Variants in SFMBT2 observed in about 807,000 individuals in gnomAD.
SFMBT2 encodes the protein scm-like with four MBT domains protein 2.
In SFMBT2, 38 loss-of-function variants were observed where a neutral mutation model predicts 110.1. The ratio of observed to expected loss-of-function variants is 0.35; its 90% CI spans 0.27 to 0.45. The LOEUF (loss-of-function observed/expected upper bound fraction) is 0.45, where lower values mean the gene tolerates loss of function less well. Ranked by LOEUF, SFMBT2 falls within the 20% of genes least tolerant of loss-of-function variation. The probability of loss-of-function intolerance (pLI) is 1.00; values close to 1 mark genes in which losing one functional copy is unlikely to be tolerated. For synonymous variants in SFMBT2, 425 were observed against 425.4 expected (o/e 1.00, Z 0.01); for missense variants, 1,011 against 1,094.9 (o/e 0.92, Z 1.08).
chr10:7,194,273 G>A (rs1476941557), intron 15 of SFMBT2, among the ~76,000 whole-genome samples: 1 of 152,092 alleles, frequency 6.6e-6, no homozygotes, highest in African/African-American at 2.4e-5. Flanking sequence ...CACGCTCGTG[G>A]TCCTGCCAAA....
intron 6 of SFMBT2, 60 bp downstream of exon 6, chr10:7,283,844 C>T: frequency 2.6e-6 from 3 of 1,139,678 alleles, no homozygotes; most frequent in South Asian, 2.7e-5. Context: ...GAAACACATC[C>T]AGGAAAATAT....
chr10:7,403,306 T>G (rs1846129574), intron 1 of SFMBT2, among the ~76,000 whole-genome samples: 1 of 152,092 alleles, frequency 6.6e-6, no homozygotes, highest in Non-Finnish European at 1.5e-5. Context: ...AAAATAAATA[T>G]AACAGCCCCC....
chr10:7,395,829 CATAGACGTT>C (rs1306640593), intron 1 of SFMBT2, among the ~76,000 whole-genome samples: 1 of 151,884 alleles, frequency 6.6e-6, no homozygotes, highest in Non-Finnish European at 1.5e-5. Context: ...TTCTCTCCTT[CATAGACGTT>C]ATGTTTCTCT....
intron 7 of SFMBT2, among the ~76,000 whole-genome samples, chr10:7,269,787 C>CTGCTTGCTAGAACTTCTAA (rs1841522261): frequency 6.7e-6 from 1 of 148,398 alleles, no homozygotes; most frequent in East Asian, 2.0e-4. Context: ...ACAAAGAATA[C>CTGCTTGCTAGAACTTCTAA]TGCTTGCTAG....
intron 16 of SFMBT2, among the ~76,000 whole-genome samples, chr10:7,187,066 T>C (rs1010382876): frequency 6.6e-6 from 1 of 152,230 alleles, no homozygotes; most frequent in Non-Finnish European, 1.5e-5. Context: ...AAAGCTCTGA[T>C]CGACTTGGTA....
At chr10:7,240,752 CTTA>C (rs1840402058) in intron 9 of SFMBT2, among the ~76,000 whole-genome samples, 1 of 152,134 alleles carries the variant, frequency 6.6e-6, no homozygotes, top group African/African-American at 2.4e-5. Flanking sequence ...CTGTGTTTCT[CTTA>C]TTATGATAAG....
chr10:7,274,364 T>C (rs1841699583), intron 7 of SFMBT2, among the ~76,000 whole-genome samples: 1 of 152,212 alleles, frequency 6.6e-6, no homozygotes, highest in African/African-American at 2.4e-5. Context: ...GGTTTGGCTG[T>C]GTCCCCACCT....
At chr10:7,332,036 A>G (rs1250329107) in intron 4 of SFMBT2, among the ~76,000 whole-genome samples, 2 of 130,106 alleles carry the variant, frequency 1.5e-5, no homozygotes, top group Non-Finnish European at 3.2e-5. Context: ...AAAAAAAAAA[A>G]AGGAAAGGTG....
At chr10:7,263,195 C>G (rs1841267477) in intron 7 of SFMBT2, among the ~76,000 whole-genome samples, 1 of 151,988 alleles carries the variant, frequency 6.6e-6, no homozygotes, top group Non-Finnish European at 1.5e-5. Flanking sequence ...CACCAGTCTG[C>G]TAACAAAATC....
intron 11 of SFMBT2, among the ~76,000 whole-genome samples, chr10:7,212,918 A>C (rs1287793186): frequency 6.6e-6 from 1 of 152,230 alleles, no homozygotes; most frequent in Non-Finnish European, 1.5e-5. Context: ...GAATGAGTTC[A>C]TGTCCTTTGC....
intron 4 of SFMBT2, among the ~76,000 whole-genome samples, chr10:7,311,820 G>A (rs955536569): frequency 6.6e-6 from 1 of 152,142 alleles, no homozygotes; most frequent in Non-Finnish European, 1.5e-5. Context: ...TTGAAGTGCC[G>A]GAGTTAGTGG....
At chr10:7,353,903 T>C (rs938711918) in intron 4 of SFMBT2, among the ~76,000 whole-genome samples, 8 of 151,958 alleles carry the variant, frequency 5.3e-5, no homozygotes, top group Middle Eastern at 3.2e-3. Flanking sequence ...CTGTGCAACA[T>C]AGTGAAACCC....
intron 7 of SFMBT2, among the ~76,000 whole-genome samples, chr10:7,253,513 T>C (rs1227109484): frequency 1.3e-5 from 2 of 152,232 alleles, no homozygotes; most frequent in Non-Finnish European, 2.9e-5. Context: ...TTAGAAGTGT[T>C]GTGGGTAAAA....
intron 8 of SFMBT2, among the ~76,000 whole-genome samples, chr10:7,245,541 C>T (rs1840577149): frequency 6.6e-6 from 1 of 152,212 alleles, no homozygotes; most frequent in Non-Finnish European, 1.5e-5. Flanking sequence ...CTGTTTTGTG[C>T]TCTATCCAGT....
chr10:7,386,478 C>T (rs1047592574), intron 1 of SFMBT2, among the ~76,000 whole-genome samples: 4 of 152,070 alleles, frequency 2.6e-5, no homozygotes, highest in African/African-American at 9.7e-5. Context: ...CATGGTGGCA[C>T]ATGCCTGTAA....
chr10:7,188,179 C>T (rs569725451), intron 16 of SFMBT2, among the ~76,000 whole-genome samples: 20 of 152,308 alleles, frequency 1.3e-4, no homozygotes, highest in Non-Finnish European at 2.5e-4. Context: ...CAAACATGCA[C>T]GGGTTCCTTT....
At chr10:7,217,010 A>T (rs951444316) in intron 11 of SFMBT2, among the ~76,000 whole-genome samples, 13 of 152,240 alleles carry the variant, frequency 8.5e-5, no homozygotes, top group Non-Finnish European at 1.9e-4. Context: ...CAATATGGTA[A>T]ATTATGATGA....
At chr10:7,207,929 C>T (rs17332795) in intron 11 of SFMBT2, among the ~76,000 whole-genome samples, 9,301 of 152,274 alleles carry the variant, frequency 0.061, 384 homozygotes, top group Non-Finnish European at 0.087. Flanking sequence ...ATTATCACCA[C>T]TGTCAGTCTT....
At chr10:7,251,410 G>A (rs1840806677) in intron 7 of SFMBT2, among the ~76,000 whole-genome samples, 1 of 151,774 alleles carries the variant, frequency 6.6e-6, no homozygotes, top group African/African-American at 2.4e-5. Flanking sequence ...GGAGGCAGAG[G>A]TTGCAATGAG....
Sources: allele counts gnomAD v4.1 joint callset (sites outside exome capture counted in the v4.1 genomes callset), GRCh38; gene constraint gnomAD v4.1.1; transcripts MANE v1.5; gene names NCBI Gene and HGNC (gene_info 2026-07-23, HGNC 2026-07-21).